Variants in XPO4 observed in about 807,000 individuals in gnomAD.
XPO4 encodes the protein exportin 4.
Under a neutral mutation model 143.0 loss-of-function variants are expected in XPO4, and 39 were observed. The observed-to-expected ratio is 0.27, with a 90% CI of 0.21 to 0.36. The LOEUF is 0.36. XPO4 is among the 10% of genes least tolerant of loss of function. The pLI is 1.00. For missense variants in XPO4, 907 were observed against 1,348.0 expected, an observed-to-expected ratio of 0.67 and a Z score of 5.12; for synonymous variants, 439 against 474.0, an observed-to-expected ratio of 0.93 and a Z score of 0.96.
chr13:20,848,485 T>G, intron 4 of XPO4: 1 of 985,428 alleles, frequency 1.0e-6, no homozygotes, highest in Non-Finnish European at 1.2e-6. Context: ...AAAAATACCA[T>G]GTAATTACAC....
chr13:20,803,903 G>C lies in XPO4; in HGVS notation c.1818-2913C>G, dbSNP rs1025993902. ...AAAATCAGGCATTCCCTATTCTCTAGATGTTTACAGTTAAGGGAACAAATT... is the reference window on the plus strand; with the variant it reads ...AAAATCAGGCATTCCCTATTCTCTACATGTTTACAGTTAAGGGAACAAATT... On this transcript the variant is annotated intron_variant, in intron 13 of 22. Coordinates refer to ENST00000255305, the MANE Select transcript of XPO4 (RefSeq NM_022459.5). This position sits in a 1 kb window ranked among gnomAD's most constrained non-coding sequence, Gnocchi z 4.1. 6.6e-6 allele frequency among the ~76,000 whole-genome samples: 1 copy of C among 152,136 alleles called. No homozygotes were observed. Among genetic ancestry groups the C allele is most frequent in the Non-Finnish European group, 1.5e-5 (1 of 68,042 alleles).
At chr13:20,854,791 C>T (rs1026104943) in intron 4 of XPO4, among the ~76,000 whole-genome samples, 2 of 152,152 alleles carry the variant, frequency 1.3e-5, no homozygotes, top group Non-Finnish European at 2.9e-5. Context: ...AAAAGGTGGA[C>T]AGGAGAGTGG....
rs747979078 is a variant in XPO4 at position 20,866,127 on chromosome 13, C to A, written c.175+2469G>T. The A allele has an allele frequency of 2.3e-4, 230 of 983,938 alleles. 1 individual carries two copies. Among genetic ancestry groups the A allele is most frequent in the Admixed American group, 8.0e-4 (13 of 16,200 alleles). The allele number at this position is 983,938 out of a possible 1,614,324, so 61.0% of individuals were successfully genotyped here. ...GAACTCACTTGTTTTTTTAAAGGAA[C>A]ATTTGATCCTAAAAAATTTAAATTA... On this transcript the variant is annotated intron_variant, in intron 2 of 22. Coordinates refer to ENST00000255305, the MANE Select transcript of XPO4 (RefSeq NM_022459.5).
intron 9 of XPO4, among the ~76,000 whole-genome samples, chr13:20,816,344 G>A (rs1398779891): frequency 6.6e-6 from 1 of 152,072 alleles, no homozygotes; most frequent in African/African-American, 2.4e-5. Flanking sequence ...TGACACAAAT[G>A]TCACAAAAAA....
chr13:20,807,699 A>G, intron 12 of XPO4, 65 bp from the exon 13 acceptor site: 1 of 1,272,106 alleles, frequency 7.9e-7, no homozygotes, highest in Non-Finnish European at 1.1e-6. Context: ...TTGTACTATA[A>G]ATGTTTTCAG....
intron 3 of XPO4, among the ~76,000 whole-genome samples, chr13:20,857,582 C>T (rs1000093314): frequency 3.3e-5 from 5 of 151,912 alleles, no homozygotes; most frequent in South Asian, 2.1e-4. Context: ...AAAAAATTAG[C>T]CAGGCGTGGT....
At chr13:20,902,176 G>A (rs2060627138) in intron 1 of XPO4, 1 of 985,178 alleles carries the variant, frequency 1.0e-6, no homozygotes, top group African/African-American at 1.7e-5. Context: ...AATTACTCCA[G>A]AGGTGGCTGC....
At chr13:20,786,880 G>C (rs2059213188) in intron 22 of XPO4, 85 bp downstream of exon 22, 2 of 1,067,954 alleles carry the variant, frequency 1.9e-6, no homozygotes, top group African/African-American at 3.2e-5. Context: ...CCTATAAGGG[G>C]GGATTAATGA....
In XPO4 at chr13:20,800,524, C is replaced by T. The variant is rs190606888; in HGVS notation, c.1978-199G>A. 1.2e-3 allele frequency among the ~76,000 whole-genome samples: 175 copies of T among 152,048 alleles called. 1 individual carries two copies. Among genetic ancestry groups the T allele is most frequent in the Admixed American group, 9.1e-3 (139 of 15,278 alleles). On this transcript the variant is annotated intron_variant, in intron 14 of 22. Transcript: ENST00000255305. ...CTCACATTTTCCAGTGTGATTTTCC[C>T]GTCAACTTCTATTATTCCCATAGTA...
chr13:20,856,447 ACTTTTCACAATCTTTT>A (rs2060145144), intron 3 of XPO4: 1 of 656,504 alleles, frequency 1.5e-6, no homozygotes, highest in African/African-American at 2.0e-5. Flanking sequence ...AACTTAATTG[ACTTTTCACAATCTTTT>A]CTGAAAGATA....
At chr13:20,857,528 C>G (rs1250158072) in intron 3 of XPO4, among the ~76,000 whole-genome samples, 1 of 151,878 alleles carries the variant, frequency 6.6e-6, no homozygotes, top group Non-Finnish European at 1.5e-5. Flanking sequence ...GAGATAGAGA[C>G]CATCCTGGCT....
intron 1 of XPO4, among the ~76,000 whole-genome samples, chr13:20,885,282 T>G (rs2060451035): frequency 6.6e-6 from 1 of 152,196 alleles, no homozygotes; most frequent in Admixed American, 6.6e-5. Flanking sequence ...AGTCTTTGTA[T>G]TACTCTGGCT....
At chr13:20,853,605 A>G (rs1269487640) in intron 4 of XPO4, among the ~76,000 whole-genome samples, 1 of 152,164 alleles carries the variant, frequency 6.6e-6, no homozygotes, top group East Asian at 1.9e-4. Context: ...GAATGTAAAG[A>G]TTCAAACATA....
intron 19 of XPO4, among the ~76,000 whole-genome samples, chr13:20,789,417 CAG>C (rs1566556015): frequency 7.2e-6 from 1 of 138,164 alleles, no homozygotes; most frequent in Non-Finnish European, 1.5e-5. Context: ...TTTTTTGAGA[CAG>C]AGTCTCGCTC....
intron 9 of XPO4, among the ~76,000 whole-genome samples, chr13:20,812,405 G>GA (rs1225412084): frequency 6.6e-6 from 1 of 151,812 alleles, no homozygotes; most frequent in African/African-American, 2.4e-5. Context: ...TCCACATGGA[G>GA]AAAAAAAATT....
Position 20,778,049 on chromosome 13 carries a change from C to A in XPO4, c.*5673G>T, listed in dbSNP as rs1383702239. ...TAAAAAAACAAAACTGTTTTATAAT[C>A]TAATCAGCCTGTCAAAGGCATCACT... On this transcript the variant is annotated 3_prime_UTR_variant, in exon 23 of 23. Transcript: ENST00000255305. 4 of 152,232 alleles carry A rather than the reference C, an allele frequency of 2.6e-5. No individual in the cohort carries two copies. Among genetic ancestry groups the A allele is most frequent in the Non-Finnish European group, 5.9e-5 (4 of 68,050 alleles). 9.4% of individuals were successfully genotyped at this position (152,232 alleles called of 1,614,324 possible).
In XPO4 at chr13:20,790,600, C is replaced by T. The variant is rs202023690; in HGVS notation, c.2798-20G>A. The T allele has an allele frequency of 1.9e-6, 3 of 1,585,998 alleles. No homozygotes were observed. Among genetic ancestry groups the T allele is most frequent in the Non-Finnish European group, 2.6e-6 (3 of 1,155,840 alleles). On this transcript the variant is annotated intron_variant, in intron 18 of 22. Transcript: ENST00000255305. ...CTTCATCTATTAAAATAAAAGGATG[C>T]AGGCTTATGGTGGTAACATCAATAA...
At chr13:20,835,559 T>C (rs2059905305) in intron 6 of XPO4, among the ~76,000 whole-genome samples, 1 of 152,198 alleles carries the variant, frequency 6.6e-6, no homozygotes, top group Non-Finnish European at 1.5e-5. Context: ...ACATTTTCTT[T>C]CTGAAATCCT....
chr13:20,876,593 T>C lies in XPO4; in HGVS notation c.70-7892A>G, dbSNP rs547808349. 3.9e-5 allele frequency among the ~76,000 whole-genome samples: 6 copies of C among 152,238 alleles called. 1 individual carries two copies. Among genetic ancestry groups the C allele is most frequent in the African/African-American group, 9.6e-5 (4 of 41,548 alleles). Reference sequence around the variant, plus strand: ...GCAAAACTTTAATAGGAAGAAAACATAGGAAAGTATGATGTCAAAGTAGGG... The same window carrying C: ...GCAAAACTTTAATAGGAAGAAAACACAGGAAAGTATGATGTCAAAGTAGGG... On this transcript the variant is annotated intron_variant, in intron 1 of 22. Transcript: ENST00000255305.
Sources: allele counts gnomAD v4.1 joint callset (sites outside exome capture counted in the v4.1 genomes callset), GRCh38; gene constraint gnomAD v4.1.1; non-coding constraint Gnocchi (gnomAD v3.1); transcripts MANE v1.5; gene names NCBI Gene and HGNC (gene_info 2026-07-23, HGNC 2026-07-21).